SRGAP1: variants seen among roughly 807,000 people sequenced by gnomAD.
SRGAP1 encodes the protein SLIT-ROBO Rho GTPase activating protein 1.
Under a neutral mutation model 121.9 loss-of-function variants are expected in SRGAP1, and 43 were observed. The observed-to-expected ratio is 0.35, with a 90% CI of 0.28 to 0.46. The LOEUF is 0.46. Ranked by LOEUF, SRGAP1 falls within the 20% of genes least tolerant of loss-of-function variation. The pLI, the probability that SRGAP1 is intolerant of heterozygous loss-of-function variation, is 1.00. For missense variants in SRGAP1, 1,102 were observed against 1,350.9 expected (o/e 0.82, Z 2.89); for synonymous variants, 447 against 485.4 (o/e 0.92, Z 1.04).
At chr12:63,954,683 A>AAAAAAAAAAAAAAAAAAG (rs1389261361) in intron 1 of SRGAP1, among the ~76,000 whole-genome samples, 40 of 147,884 alleles carry the variant, frequency 2.7e-4, no homozygotes, top group African/African-American at 9.7e-4. Context: ...ATCTCAAAAA[A>AAAAAAAAAAAAAAAAAAG]AAAAAAAAAG....
At chr12:63,983,081 T>A (rs2033295406) in intron 1 of SRGAP1, 1 of 152,234 alleles carries the variant, frequency 6.6e-6, no homozygotes, top group Non-Finnish European at 1.5e-5. Context: ...CTGTTATGAA[T>A]GGATTATTTG....
At chr12:63,876,376 A>C (rs1035663681) in intron 1 of SRGAP1, among the ~76,000 whole-genome samples, 2 of 152,182 alleles carry the variant, frequency 1.3e-5, no homozygotes, top group Admixed American at 6.5e-5. Context: ...GTAGCCTGTT[A>C]TGGGAAGTAT....
At chr12:63,927,611 A>C (rs2031308292) in intron 1 of SRGAP1, among the ~76,000 whole-genome samples, 1 of 151,948 alleles carries the variant, frequency 6.6e-6, no homozygotes, top group Admixed American at 6.6e-5. Flanking sequence ...CTAGAATGAA[A>C]CCTTTCTACA....
chr12:64,131,373 G>T (rs1469162763), intron 21 of SRGAP1, among the ~76,000 whole-genome samples: 1 of 152,146 alleles, frequency 6.6e-6, no homozygotes, highest in Admixed American at 6.5e-5. Context: ...TACAGTCCAC[G>T]AATCAGTGTA....
At chr12:64,030,501 C>A (rs943565406) in intron 4 of SRGAP1, among the ~76,000 whole-genome samples, 1 of 152,082 alleles carries the variant, frequency 6.6e-6, no homozygotes, top group Non-Finnish European at 1.5e-5. Context: ...TAAGTTGATC[C>A]TTTTTCATTA....
chr12:63,985,928 G>T (rs113491045), intron 2 of SRGAP1, among the ~76,000 whole-genome samples: 1 of 152,200 alleles, frequency 6.6e-6, no homozygotes, highest in African/African-American at 2.4e-5. Flanking sequence ...TGGCTTTGCA[G>T]TTCCGTTCAT....
At chr12:64,044,699 TAA>T (rs1386122668) in intron 6 of SRGAP1, among the ~76,000 whole-genome samples, 1 of 138,656 alleles carries the variant, frequency 7.2e-6, no homozygotes, top group East Asian at 2.1e-4. Flanking sequence ...TTTTTTTTTT[TAA>T]GACAGAGTCT....
intron 1 of SRGAP1, among the ~76,000 whole-genome samples, chr12:63,940,064 C>T (rs1027060571): frequency 3.3e-5 from 5 of 151,928 alleles, no homozygotes; most frequent in Admixed American, 2.0e-4. Context: ...CGGGTTCAAG[C>T]GATTCTCCTG....
intron 10 of SRGAP1, chr12:64,081,999 G>GTGTTT (rs1362308440): frequency 1.3e-4 from 1 of 7,516 alleles, no homozygotes; most frequent in East Asian, 5.1e-3. Context: ...GTCATGTAAG[G>GTGTTT]TCTTTTTTTT....
intron 1 of SRGAP1, among the ~76,000 whole-genome samples, chr12:63,905,825 T>TG: frequency 6.6e-6 from 1 of 152,214 alleles, no homozygotes; most frequent in African/African-American, 2.4e-5. Flanking sequence ...TTTATGGAGA[T>TG]GCGCCTGAGT....
Position 64,142,378 on chromosome 12 carries a change from G to A in SRGAP1, c.2964G>A (p.Val988=). The change falls in exon 22 of 22, where the codon GTG becomes GTA. Residue 988 remains valine (V), a synonymous_variant. Coordinates refer to ENST00000355086, the MANE Select transcript of SRGAP1 (RefSeq NM_020762.4). ...RQSTAKHAPD[V]VLDTLEQVKN... ...GCACAGCAAAGCATGCCCCTGATGT[G>A]GTGCTGGATACCCTGGAGCAAGTGA... 2 of 1,614,002 alleles carry A rather than the reference G, an allele frequency of 1.2e-6. No homozygotes were observed. The highest frequency in any genetic ancestry group is 1.7e-6 in the Non-Finnish European group (2 of 1,180,000).
At chr12:64,035,045 GAA>G (rs67727865) in intron 4 of SRGAP1, among the ~76,000 whole-genome samples, 55 of 140,630 alleles carry the variant, frequency 3.9e-4, no homozygotes, top group African/African-American at 1.3e-3. Context: ...CTGGGAACAA[GAA>G]AAAAAAAAAA....
At chr12:64,034,341 A>G (rs1004475893) in intron 4 of SRGAP1, among the ~76,000 whole-genome samples, 4 of 152,076 alleles carry the variant, frequency 2.6e-5, no homozygotes, top group African/African-American at 7.2e-5. Flanking sequence ...CATGATTGTA[A>G]GTTTCCTGAA....
intron 18 of SRGAP1, among the ~76,000 whole-genome samples, chr12:64,125,077 C>T (rs2036666286): frequency 6.6e-6 from 1 of 152,168 alleles, no homozygotes; most frequent in Non-Finnish European, 1.5e-5. Flanking sequence ...TTACAAGGAA[C>T]CCTTGTGCTA....
chr12:63,854,715 G>A (rs867797882), intron 1 of SRGAP1, among the ~76,000 whole-genome samples: 31 of 151,954 alleles, frequency 2.0e-4, no homozygotes, highest in African/African-American at 7.3e-4. Flanking sequence ...GCTTTCTCTG[G>A]TGCATAATAT....
chr12:64,004,903 G>A (rs2034032072), intron 3 of SRGAP1, among the ~76,000 whole-genome samples: 1 of 152,170 alleles, frequency 6.6e-6, no homozygotes. Context: ...ACATGATAGG[G>A]ATTCTAAAAG....
intron 1 of SRGAP1, among the ~76,000 whole-genome samples, chr12:63,900,561 G>A (rs909385946): frequency 9.9e-5 from 15 of 151,792 alleles, no homozygotes; most frequent in Admixed American, 3.9e-4. Flanking sequence ...ACCTGTAATC[G>A]CAGCACTTTG....
At chr12:64,018,933 G>A (rs1038973762) in intron 4 of SRGAP1, among the ~76,000 whole-genome samples, 12 of 152,106 alleles carry the variant, frequency 7.9e-5, no homozygotes, top group African/African-American at 1.2e-4. Context: ...ATTCTGTGTC[G>A]TCTTCCATTG....
At chr12:64,000,280 A>AGTGTGTGTGTGT in intron 3 of SRGAP1, among the ~76,000 whole-genome samples, 1 of 119,968 alleles carries the variant, frequency 8.3e-6, no homozygotes, top group African/African-American at 3.3e-5. Context: ...GTGTGTAAAA[A>AGTGTGTGTGTGT]AAAAAAACCA....
Sources: gnomAD v4.1 joint callset for allele counts (sites outside exome capture counted in the v4.1 genomes callset) on GRCh38, gnomAD v4.1.1 for gene constraint, MANE v1.5 for transcripts, NCBI Gene and HGNC (gene_info 2026-07-23, HGNC 2026-07-21) for gene names.